The following VPS4B variants were observed in gnomAD, a reference collection of about 807,000 sequenced individuals.
VPS4B encodes vacuolar protein sorting 4 homolog B.
Under a neutral mutation model 56.1 loss-of-function variants are expected in VPS4B, and 23 were observed. That is an observed-to-expected ratio of 0.41 (90% CI 0.30 to 0.58). VPS4B has a LOEUF of 0.58. VPS4B is among the 20% of genes least tolerant of loss of function. The pLI is 0.29. For synonymous variants in VPS4B, 177 were observed against 186.0 expected, an observed-to-expected ratio of 0.95 and a Z score of 0.39; for missense variants, 372 against 531.9, an observed-to-expected ratio of 0.70 and a Z score of 2.96.
At chr18:63,393,865 T>C (rs1915612223) in intron 9 of VPS4B, among the ~76,000 whole-genome samples, 1 of 151,970 alleles carries the variant, frequency 6.6e-6, no homozygotes, top group African/African-American at 2.4e-5. Flanking sequence ...GCCTCCCGAG[T>C]AGCTAGGATT....
At chr18:63,410,585 C>G in intron 2 of VPS4B, 139 bp from the exon 3 acceptor site, 1 of 1,138,392 alleles carries the variant, frequency 8.8e-7, no homozygotes, top group African/African-American at 1.6e-5. Context: ...CTCATCATAG[C>G]CAATGATTAT....
chr18:63,400,611 T>A lies in VPS4B; in HGVS notation c.577A>T (p.Asn193Tyr). ...LAKAVATEAN[N>Y]STFFSISSSD... ...GAAGATATTGAAAAAAATGTTGAGT[T>A]GTTGGCTTCTGTTGCTACAGCTTTG... The change falls in exon 6 of 11, where the codon AAC becomes TAC. Residue 193 changes from asparagine (N) to tyrosine (Y), a missense_variant. This residue lies in a region of VPS4B where 66 missense variants were observed against 150.7 expected (regional missense o/e 0.44). Transcript: ENST00000238497. The A allele has an allele frequency of 1.2e-6, 2 of 1,610,394 alleles. No individual in the cohort carries two copies. The highest frequency in any genetic ancestry group is 1.7e-6 in the Non-Finnish European group (2 of 1,178,986).
chr18:63,421,385 C>T (rs1225055250), intron 1 of VPS4B, among the ~76,000 whole-genome samples: 5 of 152,132 alleles, frequency 3.3e-5, no homozygotes, highest in Non-Finnish European at 7.4e-5. Context: ...AACAAACTAC[C>T]GGAAGTCCAC....
chr18:63,407,930 A>G (rs564498101), intron 3 of VPS4B, among the ~76,000 whole-genome samples: 8 of 152,352 alleles, frequency 5.3e-5, no homozygotes, highest in Admixed American at 4.6e-4. Context: ...ACTAAGGTAC[A>G]AAGGTCTACA....
intron 1 of VPS4B, among the ~76,000 whole-genome samples, chr18:63,413,192 C>G (rs1470180649): frequency 6.6e-6 from 1 of 152,140 alleles, no homozygotes; most frequent in Non-Finnish European, 1.5e-5. Flanking sequence ...ATATCAATAT[C>G]CTGGTTGTGA....
At chr18:63,395,696 G>A (rs1915654015) in intron 9 of VPS4B, among the ~76,000 whole-genome samples, 1 of 152,212 alleles carries the variant, frequency 6.6e-6, no homozygotes, top group African/African-American at 2.4e-5. Context: ...ACTGGATACT[G>A]TTGTTCACAG....
chr18:63,399,653 G>T (rs187334839), intron 7 of VPS4B, among the ~76,000 whole-genome samples: 1 of 152,086 alleles, frequency 6.6e-6, no homozygotes, highest in Admixed American at 6.5e-5. Context: ...CATTATAAAT[G>T]AATACATTAA....
chr18:63,410,256 G>C, intron 3 of VPS4B, 34 bp downstream of exon 3: 1 of 1,602,190 alleles, frequency 6.2e-7, no homozygotes, highest in Non-Finnish European at 8.5e-7. Flanking sequence ...AAAGCAAAAA[G>C]CCACAATAAA....
intron 9 of VPS4B, among the ~76,000 whole-genome samples, chr18:63,395,118 C>T (rs997267550): frequency 6.6e-6 from 1 of 152,168 alleles, no homozygotes; most frequent in African/African-American, 2.4e-5. Context: ...AGAGATAAAA[C>T]TCATCTGGCT....
At chr18:63,414,271 G>C (rs1214288140) in intron 1 of VPS4B, among the ~76,000 whole-genome samples, 3 of 150,808 alleles carry the variant, frequency 2.0e-5, no homozygotes, top group African/African-American at 7.3e-5. Context: ...TTGGGAGGCT[G>C]AGTCAGGAGA....
In VPS4B at chr18:63,402,217, C is replaced by CT. The variant is rs1323457819; in HGVS notation, c.484+1489dup. On this transcript the variant is annotated intron_variant, in intron 5 of 10. Transcript: ENST00000238497. ...TATACCACTGGTATAACATGAAGTA[C>CT]TTTTAGGTGGTATATACTTTAAATA... 7.2e-5 allele frequency among the ~76,000 whole-genome samples: 11 copies of CT among 152,238 alleles called. No homozygotes were observed. In the East Asian group the frequency reaches 1.9e-3, roughly 27 times the overall value.
intron 1 of VPS4B, among the ~76,000 whole-genome samples, chr18:63,414,288 T>C (rs1271529133): frequency 1.3e-5 from 2 of 149,262 alleles, no homozygotes; most frequent in Non-Finnish European, 3.0e-5. Flanking sequence ...GAGAATCGCT[T>C]GAATCCGGGA....
At chr18:63,414,433 C>T (rs960201435) in intron 1 of VPS4B, among the ~76,000 whole-genome samples, 4 of 152,040 alleles carry the variant, frequency 2.6e-5, no homozygotes, top group African/African-American at 9.7e-5. Flanking sequence ...AGAAATAAAT[C>T]CTTTTTCTTT....
intron 3 of VPS4B, among the ~76,000 whole-genome samples, chr18:63,408,902 C>A (rs1362717998): frequency 1.3e-5 from 2 of 152,158 alleles, no homozygotes; most frequent in Non-Finnish European, 2.9e-5. Flanking sequence ...GAGAGAAGAG[C>A]TTCTATGGAC....
At chr18:63,418,430 G>C (rs76318429) in intron 1 of VPS4B, among the ~76,000 whole-genome samples, 4,093 of 149,376 alleles carry the variant, frequency 0.027, 177 homozygotes, top group African/African-American at 0.096. Context: ...TTTTTTTTTA[G>C]ACAGGGTCTC....
chr18:63,391,187 T>A, intron 10 of VPS4B, 111 bp from the exon 11 acceptor site: 1 of 711,650 alleles, frequency 1.4e-6, no homozygotes. Context: ...TAAATATGAA[T>A]ATTTGCAGTC....
chr18:63,396,720 G>A, intron 9 of VPS4B: 1 of 273,998 alleles, frequency 3.6e-6, no homozygotes, highest in Non-Finnish European at 7.0e-6. Context: ...TACAGGAAAA[G>A]GGCCAGGCGC....
chr18:63,401,378 C>T (rs894686874), intron 5 of VPS4B, among the ~76,000 whole-genome samples: 1 of 152,148 alleles, frequency 6.6e-6, no homozygotes, highest in Non-Finnish European at 1.5e-5. Context: ...CCTCAGCCTC[C>T]CAGGTAGCTG....
At position 63,407,425 on chromosome 18, in the gene VPS4B, A is replaced by C; in HGVS notation, c.364+7T>G. The stretch of plus-strand genomic sequence containing the variant: ...ATAGTAAATTTAAAAATGAAATCTA[A>C]AGCAACCTTGAAGTTGATTCTGTAG... On this transcript the variant is annotated splice_region_variant and intron_variant, in intron 4 of 10. Coordinates refer to ENST00000238497, the MANE Select transcript of VPS4B (RefSeq NM_004869.4). 3 of 1,603,318 alleles carry C rather than the reference A, an allele frequency of 1.9e-6. No individual in the cohort carries two copies. Among genetic ancestry groups the C allele is most frequent in the African/African-American group, 2.7e-5 (2 of 74,380 alleles).
Sources: allele counts gnomAD v4.1 joint callset (sites outside exome capture counted in the v4.1 genomes callset), GRCh38; gene constraint gnomAD v4.1.1; regional missense constraint gnomAD v4.1.1; transcripts MANE v1.5; gene names NCBI Gene and HGNC (gene_info 2026-07-23, HGNC 2026-07-21).